PIEZO1: variants seen among roughly 807,000 people sequenced by gnomAD.
PIEZO1 encodes the protein piezo type mechanosensitive ion channel component 1 (Er blood group).
A neutral mutation model predicts 297.2 loss-of-function variants in PIEZO1; 296 were observed. That is an observed-to-expected ratio of 1.00 (90% CI 0.91 to 1.10). The LOEUF (loss-of-function observed/expected upper bound fraction) is 1.10. Among genes scored for constraint, PIEZO1 ranks in the 50% least tolerant of loss-of-function variants. The pLI is 0.00. For synonymous variants in PIEZO1, 2,427 were observed against 1,507.5 expected, an observed-to-expected ratio of 1.61 and a Z score of -14.13; for missense variants, 5,018 against 3,455.5, an observed-to-expected ratio of 1.45 and a Z score of -11.34.
rs1476621479 is a variant in PIEZO1, at chr16:88,722,035, C to G, written c.4987G>C (p.Glu1663Gln). ...CGGCCCTGCCCCTCCGCAAACAGCT[C>G]TGCCTCCTCCAGCTCTGGGATGCGC... ...RLRIPELEEA[E>Q]LFAEGQGRAL... The change falls in exon 37 of 51, where the codon GAG (glutamate) becomes CAG (glutamine). Residue 1663 changes from glutamate to glutamine, a missense_variant. Physicochemically the swap from Glu to Gln is conservative, Grantham distance 29. Transcript: ENST00000301015. The G allele has an allele frequency of 6.5e-7, 1 of 1,547,822 alleles. No homozygotes were observed. The highest frequency in any genetic ancestry group is 8.7e-7 in the Non-Finnish European group (1 of 1,146,408).
intron 1 of PIEZO1, among the ~76,000 whole-genome samples, chr16:88,768,245 C>T (rs1474543267): frequency 1.3e-5 from 2 of 152,354 alleles, no homozygotes; most frequent in South Asian, 2.1e-4. Flanking sequence ...CCCCTCCCCC[C>T]ACATCCCAGC....
At position 88,720,073 on chromosome 16, in the gene PIEZO1, C is replaced by CA; in HGVS notation, c.6159dup (p.Glu2054Ter). 6.5e-7 allele frequency: 1 copy of CA among 1,550,240 alleles called. No homozygotes were observed. The highest frequency in any genetic ancestry group is 8.7e-7 in the Non-Finnish European group (1 of 1,146,884). On this transcript the variant is annotated frameshift_variant, in exon 42 of 51. Coordinates refer to ENST00000301015, the MANE Select transcript of PIEZO1 (RefSeq NM_001142864.4). LOFTEE classifies it high-confidence loss of function. The stretch of plus-strand genomic sequence containing the variant: ...CGCCCCCACGCGTGGGCCCACCTCT[C>CA]AGTGACGGCGGGCAGGATGAAGAAC...
chr16:88,785,117 G>A lies in PIEZO1; in HGVS notation c.-153C>T, dbSNP rs1908124307. 1 of 390,426 alleles carries A rather than the reference G, an allele frequency of 2.6e-6. No individual in the cohort carries two copies. Among genetic ancestry groups the A allele is most frequent in the East Asian group, 5.4e-5 (1 of 18,510 alleles). 24.2% of individuals were successfully genotyped at this position (390,426 alleles called of 1,614,324 possible). A position where few individuals can be genotyped will look rare whatever the true frequency, so the allele number is the denominator to read the frequency against. On this transcript the variant is annotated 5_prime_UTR_variant, in exon 1 of 51. Coordinates refer to ENST00000301015, the MANE Select transcript of PIEZO1 (RefSeq NM_001142864.4). ...TCCTTCTCCTTCGGCCGCCCCGCCG[G>A]TGCCGACGTCCCGGGCCCGCGCTCG...
At chr16:88,742,824 A>G in intron 2 of PIEZO1, 1 of 344,682 alleles carries the variant, frequency 2.9e-6, no homozygotes, top group Non-Finnish European at 5.7e-6. Flanking sequence ...CTGCAGGTGG[A>G]TGGAGACCAG....
At chr16:88,781,002 T>A (rs1291097937) in intron 1 of PIEZO1, among the ~76,000 whole-genome samples, 1 of 152,228 alleles carries the variant, frequency 6.6e-6, no homozygotes, top group Non-Finnish European at 1.5e-5. Context: ...CTAAAATAGC[T>A]AAACAGAAGA....
chr16:88,761,305 G>A (rs540023173), intron 1 of PIEZO1, among the ~76,000 whole-genome samples: 80 of 152,338 alleles, frequency 5.3e-4, no homozygotes, highest in African/African-American at 1.6e-3. Flanking sequence ...CTGCAGGAGG[G>A]GAGGGTTCCC....
chr16:88,716,951 TG>T (rs1912088228), intron 45 of PIEZO1, 53 bp from the exon 46 acceptor site: 1 of 1,546,214 alleles, frequency 6.5e-7, no homozygotes, highest in Non-Finnish European at 8.7e-7. Context: ...GAGGAGCGGC[TG>T]GGGGTGGTGC....
intron 1 of PIEZO1, among the ~76,000 whole-genome samples, chr16:88,751,625 G>A (rs1278989640): frequency 6.6e-6 from 1 of 151,994 alleles, no homozygotes; most frequent in African/African-American, 2.4e-5. Flanking sequence ...CATAGCCATC[G>A]GCTCCATGCT....
rs533910472 is a variant in PIEZO1 at position 88,722,288 on chromosome 16, C to T, written c.4885G>A (p.Gly1629Arg). 185 of 1,548,540 alleles carry T rather than the reference C, an allele frequency of 1.2e-4. No individual in the cohort carries two copies. The African/African-American group carries it at 1.8e-3, about 15-fold the overall frequency. ...SGSEEAVTDP[G>R]EREAGASLYQ... ...AGAGAGGCACCAGCCTCACGCTCCC[C>T]GGGGTCGGTGACTGCCTCCTCACTG... The change falls in exon 36 of 51, where the codon GGG becomes AGG. Residue 1629 changes from glycine to arginine, a missense_variant. Coordinates refer to ENST00000301015, the MANE Select transcript of PIEZO1 (RefSeq NM_001142864.4).
intron 1 of PIEZO1, among the ~76,000 whole-genome samples, chr16:88,782,999 A>T (rs2142916717): frequency 6.6e-6 from 1 of 152,336 alleles, no homozygotes; most frequent in South Asian, 2.1e-4. Context: ...TCAAATTAAG[A>T]GACTTTATTT....
rs1217425395 is a variant in PIEZO1, at chr16:88,733,282, G to T, written c.2660C>A (p.Thr887Asn). ...CCAGCCCTCGGGGGCCGGTACCTCG[G>T]TGCAGTTGCTGGAATACTCCTGGGG... ...VNPQEYSSNC[T>N]EPFPNSTNLL... The change falls in exon 19 of 51, where the codon ACC (threonine) becomes AAC (asparagine). Residue 887 changes from threonine (T) to asparagine (N), a missense_variant. Thr to Asn is a moderately conservative substitution (Grantham distance 65). Transcript: ENST00000301015. The T allele has an allele frequency of 1.9e-6, 3 of 1,541,184 alleles. No individual in the cohort carries two copies. The highest frequency in any genetic ancestry group is 2.6e-6 in the Non-Finnish European group (3 of 1,139,338).
intron 2 of PIEZO1, among the ~76,000 whole-genome samples, chr16:88,747,030 C>T (rs1906098161): frequency 1.3e-5 from 2 of 152,156 alleles, no homozygotes; most frequent in East Asian, 1.9e-4. Flanking sequence ...GGGCCCCTCC[C>T]AAAATGCCTC....
At chr16:88,735,093 G>A in intron 13 of PIEZO1, 40 bp from the exon 14 acceptor site, 1 of 1,549,826 alleles carries the variant, frequency 6.5e-7, no homozygotes, top group Non-Finnish European at 8.7e-7. Context: ...CATCAGGGCG[G>A]GCAGGCAGGA....
chr16:88,737,838 C>G, intron 8 of PIEZO1, 24 bp from the exon 9 acceptor site: 2 of 1,535,198 alleles, frequency 1.3e-6, no homozygotes, highest in Non-Finnish European at 1.7e-6. Context: ...CGTCTTGAGC[C>G]CAAACCAGCT....
chr16:88,736,315 T>C lies in PIEZO1; in HGVS notation c.1390A>G (p.Met464Val), dbSNP rs938617194. Residue 464 changes from methionine to valine, a missense_variant, in exon 12 of 51, where the codon ATG becomes GTG. By Grantham distance (21) the Met-to-Val change is conservative (BLOSUM62 1). Transcript: ENST00000301015. The part of the protein sequence containing the change: ...WTVRSRHQLA[M>V]LCSPCILLYG... ...AGCAGGATGCAGGGCGAGCACAGCATGGCCAGTTGGTGGCGGCTGCGCACC... is the reference window on the plus strand; with the variant it reads ...AGCAGGATGCAGGGCGAGCACAGCACGGCCAGTTGGTGGCGGCTGCGCACC... 6 of 1,550,080 alleles carry C rather than the reference T, an allele frequency of 3.9e-6. No homozygotes were observed. The African/African-American group carries it at 4.1e-5, about 11-fold the overall frequency.
In PIEZO1 at chr16:88,737,759, T is replaced by C; in HGVS notation, c.1076A>G (p.Asp359Gly). 1 of 1,535,672 alleles carries C rather than the reference T, an allele frequency of 6.5e-7. No individual in the cohort carries two copies. The highest frequency in any genetic ancestry group is 1.2e-5 in the South Asian group (1 of 84,054). Reference protein sequence around the residue: ...EARELELAELDQWPQERESDQ... With the variant: ...EARELELAELGQWPQERESDQ... ...AGACTCCCGTTCCTGGGGCCACTGG[T>C]CCAGCTCTGCTAGCTCCAGCTCCCG... Residue 359 changes from aspartate to glycine, a missense_variant, in exon 9 of 51, where the codon GAC becomes GGC. By Grantham distance (94) the Asp-to-Gly change is moderately conservative. Transcript: ENST00000301015.
chr16:88,747,586 T>C (rs1906131055), intron 2 of PIEZO1, among the ~76,000 whole-genome samples: 1 of 152,166 alleles, frequency 6.6e-6, no homozygotes, highest in African/African-American at 2.4e-5. Flanking sequence ...TCTGGGATGC[T>C]TCCAGCCAGA....
At chr16:88,743,220 G>A (rs1335350363) in intron 2 of PIEZO1, 4 of 456,392 alleles carry the variant, frequency 8.8e-6, no homozygotes, top group Non-Finnish European at 1.8e-5. Context: ...GTGGCTGGGG[G>A]CACTCAGGAG....
rs10468310 is a variant in PIEZO1 at position 88,750,323 on chromosome 16, G to A, written c.65-844C>T. On this transcript the variant is annotated intron_variant, in intron 1 of 50. Coordinates refer to ENST00000301015, the MANE Select transcript of PIEZO1 (RefSeq NM_001142864.4). ...TGCACTCCAGCCTGGGCGACAGAGCGAGACTCCATCTCAAAAAACAATCAA... is the reference window on the plus strand; with the variant it reads ...TGCACTCCAGCCTGGGCGACAGAGCAAGACTCCATCTCAAAAAACAATCAA... Among the ~76,000 whole-genome samples the A allele has an allele frequency of 5.4e-3, 817 of 152,314 alleles. 6 individuals are homozygous for A. The highest frequency in any genetic ancestry group is 0.019 in the African/African-American group (780 of 41,582).
Sources: allele counts gnomAD v4.1 joint callset (sites outside exome capture counted in the v4.1 genomes callset), GRCh38; gene constraint gnomAD v4.1.1; transcripts MANE v1.5; gene names NCBI Gene and HGNC (gene_info 2026-07-23, HGNC 2026-07-21).